SLC12A4: variants seen among roughly 807,000 people sequenced by gnomAD.
SLC12A4 encodes electroneutral potassium-chloride cotransporter 1.
SLC12A4 carries 84 observed loss-of-function variants against 119.2 expected under a neutral mutation model. The ratio of observed to expected loss-of-function variants is 0.70; its 90% CI spans 0.59 to 0.85. The LOEUF is 0.85. Among genes scored for constraint, SLC12A4 ranks in the 40% least tolerant of loss-of-function variants. The pLI, the probability that SLC12A4 is intolerant of heterozygous loss-of-function variation, is 0.00. For synonymous variants in SLC12A4, 599 were observed against 604.6 expected (o/e 0.99, Z 0.14); for missense variants, 1,298 against 1,476.3 (o/e 0.88, Z 1.98).
chr16:67,956,403 C>A (rs57370507), intron 5 of SLC12A4, among the ~76,000 whole-genome samples: 1 of 151,844 alleles, frequency 6.6e-6, no homozygotes, highest in African/African-American at 2.4e-5. Flanking sequence ...AAACCATTTT[C>A]GGCAGGGTGC....
At chr16:67,967,483 A>C (rs1323687185) in intron 1 of SLC12A4, among the ~76,000 whole-genome samples, 1 of 152,214 alleles carries the variant, frequency 6.6e-6, no homozygotes, top group Non-Finnish European at 1.5e-5. Context: ...ACACTTGTAC[A>C]AGCACAATTA....
rs763989134 is a variant in SLC12A4, at chr16:67,968,504, T to C, written c.50A>G (p.Tyr17Cys). ...CCAACTGAGCCCCTCGAGGTTGTCA[T>C]AGTCGCCGCGCCTCGGCCCGTCCAC... ...VPVDGPRRGD[Y>C]DNLEGLSWVD... Residue 17 changes from tyrosine (Y) to cysteine (C), a missense_variant, in exon 1 of 24, where the codon TAT (tyrosine) becomes TGT (cysteine). Transcript: ENST00000316341. 2.1e-5 allele frequency: 33 copies of C among 1,584,664 alleles called. No individual in the cohort carries two copies. Among genetic ancestry groups the C allele is most frequent in the African/African-American group, 2.8e-5 (2 of 72,000 alleles).
At position 67,950,530 on chromosome 16, in the gene SLC12A4, C is replaced by T. The variant is rs199677031; in HGVS notation, c.1455-37G>A. On this transcript the variant is annotated intron_variant, in intron 11 of 23. Coordinates refer to ENST00000316341, the MANE Select transcript of SLC12A4 (RefSeq NM_005072.5). This position sits in a 1 kb window ranked among gnomAD's most constrained non-coding sequence, Gnocchi z 4.3. ...ACCAGAGTGAGGGATGTCAGGGGTC[C>T]GGAAGGATGGCACAGACCACCAAAG... 332 of 1,612,502 alleles carry T rather than the reference C, an allele frequency of 2.1e-4. 1 individual carries two copies. In the African/African-American group the frequency reaches 3.4e-3, roughly 16 times the overall value.
intron 3 of SLC12A4, among the ~76,000 whole-genome samples, chr16:67,960,780 A>G (rs897470210): frequency 2.0e-5 from 3 of 151,784 alleles, no homozygotes; most frequent in African/African-American, 7.3e-5. Flanking sequence ...GCAAAGAGGT[A>G]ACAGTCACCC....
intron 15 of SLC12A4, 69 bp from the exon 16 acceptor site, chr16:67,947,504 G>C: frequency 6.5e-7 from 1 of 1,532,646 alleles, no homozygotes; most frequent in South Asian, 1.2e-5. Context: ...TGGATGCGAG[G>C]TGGAGGGGTT....
chr16:67,954,769 C>T lies in SLC12A4; in HGVS notation c.549G>A (p.Gly183=). 6.2e-7 allele frequency: 1 copy of T among 1,614,106 alleles called. No individual in the cohort carries two copies. Among genetic ancestry groups the T allele is most frequent in the Non-Finnish European group, 8.5e-7 (1 of 1,180,012 alleles). ...AIATNGVVPA[G]GSYFMISRSL... ...AACGAGAGATCATGAAATAGGAGCC[C>T]CCAGCTACAGCAGAGAAATGAAAGT... The change falls in exon 6 of 24, where the codon GGG becomes GGA. Residue 183 remains glycine (G), a synonymous_variant. Transcript: ENST00000316341.
At position 67,950,938 on chromosome 16, in the gene SLC12A4, T is replaced by C; in HGVS notation, c.1396+24A>G. 1 of 1,608,850 alleles carries C rather than the reference T, an allele frequency of 6.2e-7. No individual in the cohort carries two copies. Among genetic ancestry groups the C allele is most frequent in the Non-Finnish European group, 8.5e-7 (1 of 1,176,016 alleles). On this transcript the variant is annotated intron_variant, in intron 10 of 23. Transcript: ENST00000316341. The surrounding 1 kb of genome is among the most constrained non-coding windows in gnomAD (Gnocchi z 4.3). ...AGCGCTTCCCGTCCTCTGCCCCACC[T>C]GCCCCAGGCCTGGGAAAGGATACAC...
intron 1 of SLC12A4, chr16:67,964,166 T>C (rs1408059700): frequency 7.1e-7 from 1 of 1,408,278 alleles, no homozygotes; most frequent in Non-Finnish European, 9.4e-7. Flanking sequence ...CTTCTAGGGT[T>C]GCCTAAGAAA....
At chr16:67,957,362 G>T (rs983832584) in intron 5 of SLC12A4, among the ~76,000 whole-genome samples, 2 of 151,940 alleles carry the variant, frequency 1.3e-5, no homozygotes, top group African/African-American at 4.8e-5. Flanking sequence ...GTAGAGATGG[G>T]GTTTCACCGT....
At chr16:67,965,780 C>T (rs1223807585) in intron 1 of SLC12A4, among the ~76,000 whole-genome samples, 1 of 152,170 alleles carries the variant, frequency 6.6e-6, no homozygotes, top group African/African-American at 2.4e-5. Context: ...CGGGGCCCTT[C>T]CAAAAGTTGT....
chr16:67,946,722 T>G, intron 17 of SLC12A4, 89 bp from the exon 18 acceptor site: 1 of 1,463,174 alleles, frequency 6.8e-7, no homozygotes, highest in Non-Finnish European at 9.2e-7. Flanking sequence ...CAAAACGACT[T>G]TTGGGTGGAG....
chr16:67,963,393 C>T, intron 2 of SLC12A4, 72 bp downstream of exon 2: 2 of 960,962 alleles, frequency 2.1e-6, no homozygotes, highest in Non-Finnish European at 1.6e-6. Context: ...AGGAGGCCCA[C>T]GTGTCCAGCC....
At position 67,944,733 on chromosome 16, in the gene SLC12A4, G is replaced by T; in HGVS notation, c.*107C>A. Reference sequence around the variant, plus strand: ...AAAGCTGGGTCCAGGACAGGGCCAGGCAAGCAGGGCTGGCAGGTGGGTGCT... The same window carrying T: ...AAAGCTGGGTCCAGGACAGGGCCAGTCAAGCAGGGCTGGCAGGTGGGTGCT... On this transcript the variant is annotated 3_prime_UTR_variant, in exon 24 of 24. Transcript: ENST00000316341. The surrounding 1 kb of genome is among the most constrained non-coding windows in gnomAD (Gnocchi z 6.6). The T allele has an allele frequency of 6.7e-7, 1 of 1,495,258 alleles. No individual in the cohort carries two copies. Among genetic ancestry groups the T allele is most frequent in the Non-Finnish European group, 8.9e-7 (1 of 1,123,058 alleles). The allele number at this position is 1,495,258 out of a possible 1,614,324, so 92.6% of individuals were successfully genotyped here.
chr16:67,962,318 A>G (rs565246567), intron 2 of SLC12A4: 6 of 152,410 alleles, frequency 3.9e-5, no homozygotes, highest in African/African-American at 1.4e-4. Context: ...TCACCGCAGA[A>G]CCTTGCTGCT....
At position 67,952,395 on chromosome 16, in the gene SLC12A4, A is replaced by G; in HGVS notation, c.706T>C (p.Tyr236His). 1 of 1,614,094 alleles carries G rather than the reference A, an allele frequency of 6.2e-7. No individual in the cohort carries two copies. The highest frequency in any genetic ancestry group is 1.1e-5 in the South Asian group (1 of 91,078). ...TYIAPPAAIFYPSGAHDTSNA... is the reference protein window; with the variant it reads ...TYIAPPAAIFHPSGAHDTSNA... ...GACGTGTCATGAGCACCCGATGGGT[A>G]AAAAATGGCAGCTGGTGGGGCAATG... The change falls in exon 7 of 24, where the codon TAC (tyrosine) becomes CAC (histidine). Residue 236 changes from tyrosine to histidine, a missense_variant. Transcript: ENST00000316341.
chr16:67,950,333 T>A lies in SLC12A4; in HGVS notation c.1615A>T (p.Ile539Phe), dbSNP rs752426974. The change falls in exon 12 of 24, where the codon ATC becomes TTC. Residue 539 changes from isoleucine to phenylalanine, a missense_variant. By Grantham distance (21) the Ile-to-Phe change is conservative. Coordinates refer to ENST00000316341, the MANE Select transcript of SLC12A4 (RefSeq NM_005072.5). This position sits in a 1 kb window ranked among gnomAD's most constrained non-coding sequence, Gnocchi z 4.3. ...LLQAIAKDNI[I>F]PFLRVFGHGK... ...GAGGGGCTCACCCGGAGGAAGGGGATGATGTTGTCCTTGGCAATGGCCTGC... is the reference window on the plus strand; with the variant it reads ...GAGGGGCTCACCCGGAGGAAGGGGAAGATGTTGTCCTTGGCAATGGCCTGC... 1 of 1,613,796 alleles carries A rather than the reference T, an allele frequency of 6.2e-7. No homozygotes were observed. Among genetic ancestry groups the A allele is most frequent in the Admixed American group, 1.7e-5 (1 of 60,004 alleles).
intron 1 of SLC12A4, among the ~76,000 whole-genome samples, chr16:67,965,546 CTTCT>C (rs2030827666): frequency 1.3e-5 from 2 of 152,142 alleles, no homozygotes; most frequent in African/African-American, 4.8e-5. Flanking sequence ...TTGGCTATTT[CTTCT>C]GATTCTTTTG....
In SLC12A4 at chr16:67,951,470, G is replaced by A; in HGVS notation, c.1133-166C>T. 9.3e-6 allele frequency: 7 copies of A among 753,824 alleles called. No individual in the cohort carries two copies. The highest frequency in any genetic ancestry group is 1.5e-5 in the Non-Finnish European group (7 of 477,166). 46.7% of individuals were successfully genotyped at this position (753,824 alleles called of 1,614,324 possible). A position where few individuals can be genotyped will look rare whatever the true frequency, so the allele number is the denominator to read the frequency against. ...CAGGGCTACCCTGACCACAGAGAAG[G>A]AGCTGCCCAGCTAGAAGTCGACAGA... On this transcript the variant is annotated intron_variant, in intron 8 of 23. Transcript: ENST00000316341. This position sits in a 1 kb window ranked among gnomAD's most constrained non-coding sequence, Gnocchi z 5.2.
At chr16:67,963,603 C>A (rs1186991736) in intron 1 of SLC12A4, 44 bp from the exon 2 acceptor site, 1 of 1,394,172 alleles carries the variant, frequency 7.2e-7, no homozygotes, top group South Asian at 1.4e-5. Flanking sequence ...CCTGAGCCCC[C>A]CAGCCTGGGC....
Sources: allele counts gnomAD v4.1 joint callset (sites outside exome capture counted in the v4.1 genomes callset), GRCh38; gene constraint gnomAD v4.1.1; non-coding constraint Gnocchi (gnomAD v3.1); transcripts MANE v1.5; gene names NCBI Gene and HGNC (gene_info 2026-07-23, HGNC 2026-07-21).